The following PRKCE variants were observed in gnomAD, a reference collection of about 807,000 sequenced individuals.
PRKCE encodes the protein protein kinase C epsilon type.
In PRKCE, 16 loss-of-function variants were observed where a neutral mutation model predicts 85.4. That is an observed-to-expected ratio of 0.19 (90% CI 0.13 to 0.28). The LOEUF (loss-of-function observed/expected upper bound fraction) is 0.28. Ranked by LOEUF, PRKCE falls within the 10% of genes least tolerant of loss-of-function variation. The pLI, the probability that PRKCE is intolerant of heterozygous loss-of-function variation, is 1.00. For missense variants in PRKCE, 573 were observed against 975.2 expected, an observed-to-expected ratio of 0.59 and a Z score of 5.49; for synonymous variants, 388 against 371.5, an observed-to-expected ratio of 1.04 and a Z score of -0.51.
At chr2:45,797,518 G>T (rs1328398699) in intron 1 of PRKCE, among the ~76,000 whole-genome samples, 1 of 152,218 alleles carries the variant, frequency 6.6e-6, no homozygotes, top group Non-Finnish European at 1.5e-5. Flanking sequence ...TAACCTGCCA[G>T]CAGGCTTCTT....
At chr2:46,085,074 C>T (rs1669462696) in intron 10 of PRKCE, among the ~76,000 whole-genome samples, 1 of 152,158 alleles carries the variant, frequency 6.6e-6, no homozygotes, top group Non-Finnish European at 1.5e-5. Context: ...ACAGCAATGG[C>T]TTGTAATTAT....
chr2:46,088,331 C>T (rs1201037361), intron 11 of PRKCE, among the ~76,000 whole-genome samples: 1 of 152,144 alleles, frequency 6.6e-6, no homozygotes, highest in African/African-American at 2.4e-5. Context: ...TCATTTGCAC[C>T]TCCTCTGTCC....
chr2:45,659,159 G>A (rs766588046), intron 1 of PRKCE, among the ~76,000 whole-genome samples: 4 of 152,104 alleles, frequency 2.6e-5, no homozygotes, highest in Admixed American at 6.6e-5. Flanking sequence ...TGTGTAAAGG[G>A]CATCTTAAAC....
At chr2:45,821,050 C>T (rs1689490474) in intron 1 of PRKCE, among the ~76,000 whole-genome samples, 1 of 152,076 alleles carries the variant, frequency 6.6e-6, no homozygotes, top group Non-Finnish European at 1.5e-5. Flanking sequence ...GGAGCCAAGC[C>T]TGGGGTAGGG....
intron 1 of PRKCE, among the ~76,000 whole-genome samples, chr2:45,795,850 C>A (rs551536945): frequency 1.3e-5 from 2 of 152,120 alleles, no homozygotes; most frequent in Admixed American, 1.3e-4. Flanking sequence ...TGAGACCCCC[C>A]GCAGAGTTGT....
At chr2:45,903,695 C>G (rs73926109) in intron 2 of PRKCE, among the ~76,000 whole-genome samples, 3,810 of 152,266 alleles carry the variant, frequency 0.025, 161 homozygotes, top group African/African-American at 0.087. Flanking sequence ...CCTAGACACA[C>G]AGACCAGAAA....
At chr2:45,713,105 C>T (rs771629681) in intron 1 of PRKCE, among the ~76,000 whole-genome samples, 2 of 152,194 alleles carry the variant, frequency 1.3e-5, no homozygotes, top group Non-Finnish European at 2.9e-5. Flanking sequence ...GCTTATCTCC[C>T]TGGGCCTCAG....
At chr2:45,695,473 A>G (rs187705713) in intron 1 of PRKCE, among the ~76,000 whole-genome samples, 8 of 152,270 alleles carry the variant, frequency 5.3e-5, no homozygotes, top group Middle Eastern at 3.4e-3. Context: ...AAATAACAAT[A>G]ATAGAATATG....
intron 2 of PRKCE, among the ~76,000 whole-genome samples, chr2:45,898,954 A>G (rs1338174895): frequency 1.3e-5 from 2 of 152,200 alleles, no homozygotes; most frequent in South Asian, 2.1e-4. Flanking sequence ...GCAGCCCCCA[A>G]TCTTCTTAGC....
intron 1 of PRKCE, among the ~76,000 whole-genome samples, chr2:45,807,581 G>T (rs1161676725): frequency 1.3e-5 from 2 of 152,196 alleles, no homozygotes; most frequent in Admixed American, 1.3e-4. Flanking sequence ...GACAAATCAT[G>T]ACTTCCACTC....
At position 46,186,516 on chromosome 2, in the gene PRKCE, A is replaced by G. The variant is rs1680459461; in HGVS notation, c.*1635A>G. ...AATTATAATAATGTCCAGGTGCAATACTCTGTAAGTCTATTGGTTCAAGTT... is the reference window on the plus strand; with the variant it reads ...AATTATAATAATGTCCAGGTGCAATGCTCTGTAAGTCTATTGGTTCAAGTT... On this transcript the variant is annotated 3_prime_UTR_variant, in exon 15 of 15. Transcript: ENST00000306156. 6.6e-6 allele frequency: 1 copy of G among 151,826 alleles called. No individual in the cohort carries two copies. Among genetic ancestry groups the G allele is most frequent in the African/African-American group, 2.4e-5 (1 of 41,110 alleles). The allele number at this position is 151,826 out of a possible 1,614,324, so 9.4% of individuals were successfully genotyped here. A position where few individuals can be genotyped will look rare whatever the true frequency, so the allele number is the denominator to read the frequency against.
chr2:46,077,917 CTCA>C (rs1668701356), intron 10 of PRKCE: 1 of 152,170 alleles, frequency 6.6e-6, no homozygotes, highest in African/African-American at 2.4e-5. Context: ...GAAAGTCCCA[CTCA>C]TCATTATTTA....
chr2:46,090,084 G>C (rs1294862707), intron 11 of PRKCE, among the ~76,000 whole-genome samples: 1 of 152,168 alleles, frequency 6.6e-6, no homozygotes, highest in Non-Finnish European at 1.5e-5. Flanking sequence ...ATGAGTAGGT[G>C]ATTGCTGGAG....
intron 2 of PRKCE, among the ~76,000 whole-genome samples, chr2:45,951,704 C>A (rs942148905): frequency 6.6e-6 from 1 of 152,242 alleles, no homozygotes; most frequent in Non-Finnish European, 1.5e-5. Flanking sequence ...CAACCACATA[C>A]AATGAGTCTG....
intron 11 of PRKCE, among the ~76,000 whole-genome samples, chr2:46,108,125 G>A (rs532171854): frequency 6.6e-6 from 1 of 152,034 alleles, no homozygotes; most frequent in Non-Finnish European, 1.5e-5. Context: ...ACAGGGTGTC[G>A]CTCTGTTGCC....
rs995646019 is a variant in PRKCE, at chr2:46,139,672, A to G, written c.1593-5421A>G. On this transcript the variant is annotated intron_variant, in intron 11 of 14. Transcript: ENST00000306156. The surrounding 1 kb of genome is among the most constrained non-coding windows in gnomAD (Gnocchi z 5.2). ...ATACAGAATATATAGAGGAACATAT[A>G]TATATATATGCGTATATATATGTGT... Among the ~76,000 whole-genome samples the G allele has an allele frequency of 1.3e-4, 20 of 149,884 alleles. No individual in the cohort carries two copies. Among genetic ancestry groups the G allele is most frequent in the African/African-American group, 4.3e-4 (17 of 39,454 alleles).
chr2:45,923,774 A>G (rs1698423899), intron 2 of PRKCE, among the ~76,000 whole-genome samples: 2 of 152,098 alleles, frequency 1.3e-5, no homozygotes, highest in South Asian at 4.1e-4. Flanking sequence ...GGGGGCTGGG[A>G]TCACCTTGGA....
At chr2:45,741,467 C>CAGA (rs72061000) in intron 1 of PRKCE, among the ~76,000 whole-genome samples, 61,844 of 151,870 alleles carry the variant, frequency 0.41, 12,900 homozygotes, top group Admixed American at 0.45. Flanking sequence ...CCAGTAGCAC[C>CAGA]AGAATGGGGC....
At position 46,007,658 on chromosome 2, in the gene PRKCE, C is replaced by A; in HGVS notation, c.1260C>A (p.Gly420=). The change falls in exon 9 of 15, where the codon GGC becomes GGA. Residue 420 remains glycine (G), a synonymous_variant. Coordinates refer to ENST00000306156, the MANE Select transcript of PRKCE (RefSeq NM_005400.3). The part of the protein sequence containing the change: ...FIKVLGKGSF[G]KVMLAELKGK... Reference sequence around the variant, plus strand: ...AGGTGTTGGGCAAAGGCAGCTTTGGCAAGGTCTGTGGCACACACGGGTGGA... The same window carrying A: ...AGGTGTTGGGCAAAGGCAGCTTTGGAAAGGTCTGTGGCACACACGGGTGGA... 6.3e-7 allele frequency: 1 copy of A among 1,599,578 alleles called. No homozygotes were observed. Among genetic ancestry groups the A allele is most frequent in the Non-Finnish European group, 8.5e-7 (1 of 1,179,868 alleles).
Sources: allele counts gnomAD v4.1 joint callset (sites outside exome capture counted in the v4.1 genomes callset), GRCh38; gene constraint gnomAD v4.1.1; non-coding constraint Gnocchi (gnomAD v3.1); transcripts MANE v1.5; gene names NCBI Gene and HGNC (gene_info 2026-07-23, HGNC 2026-07-21).